GRK1: variants seen among roughly 807,000 people sequenced by gnomAD.
GRK1 encodes G protein-coupled receptor kinase 1.
A neutral mutation model predicts 41.7 loss-of-function variants in GRK1; 28 were observed. The observed-to-expected ratio is 0.67, with a 90% CI of 0.50 to 0.92. The LOEUF (loss-of-function observed/expected upper bound fraction) is 0.92, where lower values mean the gene tolerates loss of function less well. Ranked by LOEUF, GRK1 falls within the 40% of genes least tolerant of loss-of-function variation. The pLI, the probability that GRK1 is intolerant of heterozygous loss-of-function variation, is 0.00. For synonymous variants in GRK1, 327 were observed against 286.7 expected, an observed-to-expected ratio of 1.14 and a Z score of -1.42; for missense variants, 703 against 671.2, an observed-to-expected ratio of 1.05 and a Z score of -0.52.
chr13:113,658,001 A>C, the GRK1 span: 1 of 1,547,030 alleles, frequency 6.5e-7, no homozygotes, highest in Non-Finnish European at 8.7e-7. Context: ...GGCCCCCTCC[A>C]TGCACCCAGC....
At chr13:113,727,155 G>T (rs1018027658) in intron 4 of GRK1, among the ~76,000 whole-genome samples, 2 of 152,256 alleles carry the variant, frequency 1.3e-5, no homozygotes, top group Non-Finnish European at 2.9e-5. Context: ...CACAGAGCTG[G>T]CTCGGGGGCC....
chr13:113,729,443 G>A (rs553347506), intron 4 of GRK1, among the ~76,000 whole-genome samples: 33 of 152,284 alleles, frequency 2.2e-4, no homozygotes, highest in Middle Eastern at 3.4e-3. Flanking sequence ...CTGAAGTCCC[G>A]GGACAGGGGC....
rs376380205 is a variant in GRK1 at position 113,671,580 on chromosome 13, C to T, written c.909C>T (p.Cys303=). The T allele has an allele frequency of 1.3e-4, 101 of 776,266 alleles. No homozygotes were observed. Among genetic ancestry groups the T allele is most frequent in the South Asian group, 2.9e-4 (22 of 74,616 alleles). The allele number at this position is 776,266 out of a possible 1,614,324, so 48.1% of individuals were successfully genotyped here. Residue 303 remains cysteine (C), a synonymous_variant, in exon 3 of 7, where the codon TGC becomes TGT. Coordinates refer to ENST00000335678, the MANE Select transcript of GRK1 (RefSeq NM_002929.3). This position sits in a 1 kb window ranked among gnomAD's most constrained non-coding sequence, Gnocchi z 4.1. ...TCTTCTACACGGCGCAGATCATCTG[C>T]GGCCTGGAGCACCTGCACCAGAGGC... ...RALFYTAQII[C]GLEHLHQRRI... is the part of the protein sequence containing the mutation.
At chr13:113,649,644 T>C in the GRK1 span, 2 of 1,300,182 alleles carry the variant, frequency 1.5e-6, no homozygotes, top group Non-Finnish European at 2.0e-6. This position sits in a 1 kb window ranked among gnomAD's most constrained non-coding sequence, Gnocchi z 4.7. Flanking sequence ...GAAGCAGCTC[T>C]TTTGTGTAAG....
the GRK1 span, chr13:113,650,573 G>A: frequency 4.7e-5 from 62 of 1,308,214 alleles, no homozygotes; most frequent in Admixed American, 1.8e-4. The surrounding 1 kb of genome is among the most constrained non-coding windows in gnomAD (Gnocchi z 5.0). Context: ...TGTGTGTTGC[G>A]TTTGTGTGCG....
rs2049940343 is a variant in GRK1, at chr13:113,731,967, C to A, written c.1194+624C>A. Among the ~76,000 whole-genome samples, 1 of 152,216 alleles carries A rather than the reference C, an allele frequency of 6.6e-6. No homozygotes were observed. Among genetic ancestry groups the A allele is most frequent in the South Asian group, 2.1e-4 (1 of 4,836 alleles). On this transcript the variant is annotated intron_variant, in intron 5 of 6. Transcript: ENST00000335678. This position sits in a 1 kb window ranked among gnomAD's most constrained non-coding sequence, Gnocchi z 5.6. The stretch of plus-strand genomic sequence containing the variant: ...TGGACACCTAGTGGGGCTGCTGGGT[C>A]TCCCCTGAGTGCCCCCTGGGCTGCC...
At chr13:113,668,611 G>C (rs2049835919) in intron 1 of GRK1, among the ~76,000 whole-genome samples, 2 of 152,260 alleles carry the variant, frequency 1.3e-5, no homozygotes, top group Non-Finnish European at 2.9e-5. Context: ...GGGTGGGAGT[G>C]AGCGACGGGC....
In GRK1 at chr13:113,671,992, C is replaced by T. The variant is rs887457463; in HGVS notation, c.985+336C>T. Among the ~76,000 whole-genome samples, 1,073 of 151,510 alleles carry T rather than the reference C, an allele frequency of 7.1e-3. 13 individuals carry two copies. Among genetic ancestry groups the T allele is most frequent in the African/African-American group, 0.024 (998 of 41,258 alleles). On this transcript the variant is annotated intron_variant, in intron 3 of 6. Coordinates refer to ENST00000335678, the MANE Select transcript of GRK1 (RefSeq NM_002929.3). This position sits in a 1 kb window ranked among gnomAD's most constrained non-coding sequence, Gnocchi z 4.1. ...CCGACAGCGGCAGGTCAGGCAAGTG[C>T]GAGACACGTGCCAGGGCCCTGAGAG...
the GRK1 span, among the ~76,000 whole-genome samples, chr13:113,652,473 C>A: frequency 6.6e-6 from 1 of 152,212 alleles, no homozygotes; most frequent in Non-Finnish European, 1.5e-5. Context: ...CTCCCCACAC[C>A]CCCTAAGGGG....
In GRK1 at chr13:113,667,784, A is replaced by C. The variant is rs2049828809; in HGVS notation, c.398A>C (p.Lys133Thr). Residue 133 changes from lysine to threonine, a missense_variant, in exon 1 of 7, where the codon AAG becomes ACG. Physicochemically the swap from Lys to Thr is moderately conservative, Grantham distance 78. Transcript: ENST00000335678. The surrounding 1 kb of genome is among the most constrained non-coding windows in gnomAD (Gnocchi z 7.5). Reference sequence around the variant, plus strand: ...TTCCTGGATGAGGGGATAGTGGCGAAGTTTAAGGAGGGGCCTGTGGAGATC... The same window carrying C: ...TTCCTGGATGAGGGGATAGTGGCGACGTTTAAGGAGGGGCCTGTGGAGATC... ...CSFLDEGIVA[K>T]FKEGPVEIQD... The C allele has an allele frequency of 3.1e-6, 5 of 1,612,022 alleles. No homozygotes were observed. Among genetic ancestry groups the C allele is most frequent in the Non-Finnish European group, 4.2e-6 (5 of 1,178,592 alleles).
chr13:113,669,935 G>A lies in GRK1; in HGVS notation c.827+121G>A, dbSNP rs2049845761. The stretch of plus-strand genomic sequence containing the variant: ...GGCCCCAGGCCTGCCCTCGAGGGAA[G>A]CCTTGCACCCATCACAATCCCCTTC... On this transcript the variant is annotated intron_variant, in intron 2 of 6. Transcript: ENST00000335678. 4 of 1,188,102 alleles carry A rather than the reference G, an allele frequency of 3.4e-6. No homozygotes were observed. The South Asian group carries it at 4.4e-5, about 13-fold the overall frequency. 73.6% of individuals were successfully genotyped at this position (1,188,102 alleles called of 1,614,324 possible).
chr13:113,724,175 C>T (rs1471496257), intron 4 of GRK1, among the ~76,000 whole-genome samples: 1 of 152,174 alleles, frequency 6.6e-6, no homozygotes, highest in Non-Finnish European at 1.5e-5. Flanking sequence ...GGCCCAGCAC[C>T]TGCTGGCGTG....
At chr13:113,660,947 A>G in the GRK1 span, among the ~76,000 whole-genome samples, 1 of 152,242 alleles carries the variant, frequency 6.6e-6, no homozygotes, top group Admixed American at 6.5e-5. Context: ...TTAACAATTG[A>G]TAGAACAACC....
chr13:113,655,387 G>A, the GRK1 span, among the ~76,000 whole-genome samples: 1 of 152,224 alleles, frequency 6.6e-6, no homozygotes, highest in Non-Finnish European at 1.5e-5. Flanking sequence ...GCCTGGAAGT[G>A]CATGGCCGGT....
At position 113,669,725 on chromosome 13, in the gene GRK1, C is replaced by T; in HGVS notation, c.738C>T (p.His246=). 1 of 1,614,002 alleles carries T rather than the reference C, an allele frequency of 6.2e-7. No homozygotes were observed. The highest frequency in any genetic ancestry group is 1.1e-5 in the South Asian group (1 of 91,090). Residue 246 remains histidine (H), a synonymous_variant, in exon 2 of 7, where the codon CAC becomes CAT. Transcript: ENST00000335678. ...AGAAGAAGATTCTGATGAAAGTACA[C>T]AGCAGGTTCATCGTGTCTCTGGCCT... is the stretch of plus-strand genomic sequence containing the variant. ...MVEKKILMKV[H]SRFIVSLAYA... is the part of the protein sequence containing the mutation.
At chr13:113,730,456 C>A (rs1368350248) in intron 4 of GRK1, among the ~76,000 whole-genome samples, 2 of 151,902 alleles carry the variant, frequency 1.3e-5, no homozygotes, top group Non-Finnish European at 2.9e-5. Flanking sequence ...CATCCTGAGG[C>A]AGTCTCCGCG....
the GRK1 span, chr13:113,650,582 C>T: frequency 8.7e-5 from 103 of 1,187,754 alleles, no homozygotes; most frequent in Middle Eastern, 1.2e-3. The surrounding 1 kb of genome is among the most constrained non-coding windows in gnomAD (Gnocchi z 5.0). Context: ...CGTTTGTGTG[C>T]GTGTGTGCAC....
At chr13:113,661,194 G>GATATTA in the GRK1 span, among the ~76,000 whole-genome samples, 3 of 151,934 alleles carry the variant, frequency 2.0e-5, no homozygotes, top group Non-Finnish European at 2.9e-5. Context: ...TAATAACAAA[G>GATATTA]ATAACAGAAA....
Position 113,667,772 on chromosome 13 carries a change from G to T in GRK1, c.386G>T (p.Gly129Val), listed in dbSNP as rs2049828693. ...AKLFCSFLDE[G>V]IVAKFKEGPV... ...CTCTTCTGCAGCTTCCTGGATGAGG[G>T]GATAGTGGCGAAGTTTAAGGAGGGG... Residue 129 changes from glycine (G) to valine (V), a missense_variant, in exon 1 of 7, where the codon GGG becomes GTG. Physicochemically the swap from Gly to Val is moderately radical, Grantham distance 109 (BLOSUM62 -3). Coordinates refer to ENST00000335678, the MANE Select transcript of GRK1 (RefSeq NM_002929.3). This position sits in a 1 kb window ranked among gnomAD's most constrained non-coding sequence, Gnocchi z 7.5. 1 of 1,612,922 alleles carries T rather than the reference G, an allele frequency of 6.2e-7. No homozygotes were observed. Among genetic ancestry groups the T allele is most frequent in the Non-Finnish European group, 8.5e-7 (1 of 1,179,120 alleles).
Sources: allele counts gnomAD v4.1 joint callset (sites outside exome capture counted in the v4.1 genomes callset), GRCh38; gene constraint gnomAD v4.1.1; non-coding constraint Gnocchi (gnomAD v3.1); transcripts MANE v1.5; gene names NCBI Gene and HGNC (gene_info 2026-07-23, HGNC 2026-07-21).